Variants in KCNMB2 observed in about 807,000 individuals in gnomAD.
KCNMB2 encodes calcium-activated potassium channel subunit beta-2.
In KCNMB2, 9 loss-of-function variants were observed where a neutral mutation model predicts 24.5. The observed-to-expected ratio is 0.37, with a 90% CI of 0.22 to 0.64. KCNMB2 has a LOEUF of 0.64. Among genes scored for constraint, KCNMB2 ranks in the 30% least tolerant of loss-of-function variants. The pLI is 0.63. For missense variants in KCNMB2, 226 were observed against 284.3 expected (o/e 0.79, Z 1.47); for synonymous variants, 109 against 104.4 (o/e 1.04, Z -0.27).
chr3:178,697,328 T>C (rs866349549), intron 1 of KCNMB2, among the ~76,000 whole-genome samples: 17 of 152,246 alleles, frequency 1.1e-4, no homozygotes, highest in African/African-American at 4.1e-4. Flanking sequence ...TAGATCTTCT[T>C]GTTGAATTGA....
chr3:178,807,396 C>G lies in KCNMB2; in HGVS notation c.-14C>G. 1 of 1,612,570 alleles carries G rather than the reference C, an allele frequency of 6.2e-7. No individual in the cohort carries two copies. The highest frequency in any genetic ancestry group is 1.3e-5 in the African/African-American group (1 of 74,982). ...ACCATAAGGAAAGGAGACCCTGGAC[C>G]AACATTCTCTAAGATGTTTATATGG... On this transcript the variant is annotated 5_prime_UTR_variant, in exon 2 of 5. Coordinates refer to ENST00000452583, the MANE Select transcript of KCNMB2 (RefSeq NM_181361.3).
At chr3:178,574,870 C>A (rs1388370326) in intron 1 of KCNMB2, among the ~76,000 whole-genome samples, 1 of 152,254 alleles carries the variant, frequency 6.6e-6, no homozygotes, top group Admixed American at 6.5e-5. Flanking sequence ...GAGTTCAAGA[C>A]CAGCCTGGCC....
At chr3:178,660,595 T>C (rs1720491070) in intron 1 of KCNMB2, among the ~76,000 whole-genome samples, 1 of 152,212 alleles carries the variant, frequency 6.6e-6, no homozygotes, top group Non-Finnish European at 1.5e-5. Context: ...TTTTATTATC[T>C]ACTCTGTGGC....
intron 1 of KCNMB2, among the ~76,000 whole-genome samples, chr3:178,573,220 G>T (rs969300106): frequency 6.6e-6 from 1 of 151,932 alleles, no homozygotes. Flanking sequence ...TGTTGACCAG[G>T]CTAGTCTCGA....
chr3:178,640,100 C>T (rs558399004), intron 1 of KCNMB2, among the ~76,000 whole-genome samples: 7 of 152,270 alleles, frequency 4.6e-5, no homozygotes, highest in Admixed American at 4.6e-4. Context: ...TATTTTCAAC[C>T]TCACATTCTT....
At chr3:178,709,773 T>C (rs1012727334) in intron 1 of KCNMB2, among the ~76,000 whole-genome samples, 6 of 152,160 alleles carry the variant, frequency 3.9e-5, no homozygotes, top group Non-Finnish European at 8.8e-5. Context: ...ATCCTGGTAT[T>C]TGTTTCCCAG....
At chr3:178,703,014 T>C (rs545632602) in intron 1 of KCNMB2, among the ~76,000 whole-genome samples, 3 of 152,316 alleles carry the variant, frequency 2.0e-5, no homozygotes, top group Admixed American at 2.0e-4. Flanking sequence ...AGATTAGTTA[T>C]GTAGTTAATT....
intron 1 of KCNMB2, among the ~76,000 whole-genome samples, chr3:178,554,319 C>A (rs114992682): frequency 0.011 from 1,650 of 152,212 alleles, 8 homozygotes; most frequent in Non-Finnish European, 0.018. Context: ...AAATTTGAAT[C>A]AACTTTTAAT....
At chr3:178,576,701 C>A (rs1187889162) in intron 1 of KCNMB2, among the ~76,000 whole-genome samples, 1 of 152,168 alleles carries the variant, frequency 6.6e-6, no homozygotes, top group African/African-American at 2.4e-5. Flanking sequence ...GCAATTTTCC[C>A]CTCACAGTGT....
chr3:178,732,652 A>G (rs1229596429), intron 1 of KCNMB2, among the ~76,000 whole-genome samples: 1 of 152,254 alleles, frequency 6.6e-6, no homozygotes, highest in Non-Finnish European at 1.5e-5. Flanking sequence ...TCATTCAAGC[A>G]TGAGTTATAA....
rs140989859 is a variant in KCNMB2 at position 178,811,440 on chromosome 3, T to A, written c.56+3975T>A. Reference sequence around the variant, plus strand: ...ACAATATATTGTTTCCATCCAAATGTTTGGAGACTTCATGTAAATGGAATC... The same window carrying A: ...ACAATATATTGTTTCCATCCAAATGATTGGAGACTTCATGTAAATGGAATC... On this transcript the variant is annotated intron_variant, in intron 2 of 4. Coordinates refer to ENST00000452583, the MANE Select transcript of KCNMB2 (RefSeq NM_181361.3). Among the ~76,000 whole-genome samples the A allele has an allele frequency of 2.0e-5, 3 of 152,308 alleles. No homozygotes were observed. The East Asian group carries it at 5.8e-4, about 29-fold the overall frequency.
At chr3:178,699,380 C>T (rs1019662000) in intron 1 of KCNMB2, among the ~76,000 whole-genome samples, 1 of 152,168 alleles carries the variant, frequency 6.6e-6, no homozygotes, top group Admixed American at 6.5e-5. Context: ...CAAAGTAATG[C>T]AAAACCCACC....
chr3:178,676,660 A>C (rs1375447924), intron 1 of KCNMB2, among the ~76,000 whole-genome samples: 3 of 152,144 alleles, frequency 2.0e-5, no homozygotes, highest in Non-Finnish European at 4.4e-5. Context: ...AAAATAAGCC[A>C]CTTGGAGGTA....
chr3:178,766,212 G>A (rs1350819335), intron 1 of KCNMB2, among the ~76,000 whole-genome samples: 2 of 151,950 alleles, frequency 1.3e-5, no homozygotes, highest in Non-Finnish European at 1.5e-5. Context: ...TTTTTATTTT[G>A]AGATAGGGCC....
At chr3:178,690,390 A>G (rs1721628574) in intron 1 of KCNMB2, among the ~76,000 whole-genome samples, 1 of 152,218 alleles carries the variant, frequency 6.6e-6, no homozygotes, top group Non-Finnish European at 1.5e-5. Context: ...TTTAAAGAGA[A>G]CTAGATGACT....
intron 1 of KCNMB2, among the ~76,000 whole-genome samples, chr3:178,673,174 C>T (rs886067035): frequency 6.6e-6 from 1 of 152,094 alleles, no homozygotes; most frequent in Non-Finnish European, 1.5e-5. Flanking sequence ...TTCAGAAAAA[C>T]CTCAACCCTA....
At chr3:178,809,624 A>G (rs1235054441) in intron 2 of KCNMB2, among the ~76,000 whole-genome samples, 1 of 152,324 alleles carries the variant, frequency 6.6e-6, no homozygotes, top group East Asian at 1.9e-4. Flanking sequence ...GTGATAGTGA[A>G]CAGCCAAGCC....
intron 1 of KCNMB2, among the ~76,000 whole-genome samples, chr3:178,775,619 C>A (rs1712548726): frequency 6.6e-6 from 1 of 152,106 alleles, no homozygotes; most frequent in South Asian, 2.1e-4. Context: ...CCATTTCATA[C>A]CAAATAGCTA....
chr3:178,642,396 T>C (rs1380194564), intron 1 of KCNMB2, among the ~76,000 whole-genome samples: 1 of 152,228 alleles, frequency 6.6e-6, no homozygotes, highest in African/African-American at 2.4e-5. Flanking sequence ...TCTGTGGTTC[T>C]GTTCTCTTAT....
Sources: allele counts gnomAD v4.1 joint callset (sites outside exome capture counted in the v4.1 genomes callset), GRCh38; gene constraint gnomAD v4.1.1; transcripts MANE v1.5; gene names NCBI Gene and HGNC (gene_info 2026-07-23, HGNC 2026-07-21).